The following SYNE1 variants were observed in gnomAD, a reference collection of about 807,000 sequenced individuals.
SYNE1 encodes the protein nesprin-1.
A neutral mutation model predicts 1,111.0 loss-of-function variants in SYNE1; 616 were observed. The observed-to-expected ratio is 0.55, with a 90% CI of 0.52 to 0.59. The LOEUF (loss-of-function observed/expected upper bound fraction) is 0.59. SYNE1 is among the 20% of genes least tolerant of loss of function. The pLI, the probability that SYNE1 is intolerant of heterozygous loss-of-function variation, is 0.00. For missense variants in SYNE1, 10,006 were observed against 10,417.0 expected (o/e 0.96, Z 1.72); for synonymous variants, 3,855 against 3,825.8 (o/e 1.01, Z -0.28).
intron 105 of SYNE1, among the ~76,000 whole-genome samples, chr6:152,247,148 G>A (rs775903528): frequency 2.6e-5 from 4 of 152,174 alleles, no homozygotes; most frequent in Non-Finnish European, 2.9e-5. Context: ...AGACAACTGT[G>A]CACCAGGTTT....
intron 130 of SYNE1, chr6:152,168,059 C>A (rs1389023840): frequency 2.6e-6 from 2 of 780,704 alleles, no homozygotes; most frequent in Non-Finnish European, 4.8e-6. Flanking sequence ...ATCCTACAAA[C>A]CCCACGTAAC....
At chr6:152,220,701 C>T in intron 119 of SYNE1, 141 bp downstream of exon 119, 3 of 770,418 alleles carry the variant, frequency 3.9e-6, no homozygotes, top group African/African-American at 1.7e-5. Flanking sequence ...GAAAATCAGG[C>T]AGGCTCTTTG....
intron 14 of SYNE1, among the ~76,000 whole-genome samples, chr6:152,474,387 A>C (rs2098823740): frequency 1.3e-5 from 2 of 152,194 alleles, no homozygotes; most frequent in Admixed American, 6.5e-5. Flanking sequence ...CTGTAGGCAA[A>C]AAACAAATAG....
chr6:152,450,565 C>G, intron 27 of SYNE1, 60 bp downstream of exon 27: 1 of 1,365,938 alleles, frequency 7.3e-7, no homozygotes. Context: ...TTGTCATGAT[C>G]TCCGAACTAA....
chr6:152,464,727 A>T (rs1171835850), intron 18 of SYNE1: 1 of 163,706 alleles, frequency 6.1e-6, no homozygotes, highest in Non-Finnish European at 1.3e-5. Context: ...TGACATTAAC[A>T]TAAAACAGTA....
intron 39 of SYNE1, among the ~76,000 whole-genome samples, chr6:152,420,805 C>CT (rs895746287): frequency 1.3e-5 from 2 of 151,916 alleles, no homozygotes; most frequent in Admixed American, 1.3e-4. Context: ...GTCAAGATAA[C>CT]TTTTTTTTCT....
chr6:152,298,505 G>T (rs1213479263), intron 93 of SYNE1, among the ~76,000 whole-genome samples: 2 of 152,218 alleles, frequency 1.3e-5, no homozygotes, highest in South Asian at 4.1e-4. Flanking sequence ...TACACTGTGA[G>T]TGGGACCAGG....
chr6:152,633,414 G>A lies in SYNE1; in HGVS notation c.-224+3224C>T, dbSNP rs73782988. 4.4e-3 allele frequency among the ~76,000 whole-genome samples: 669 copies of A among 152,320 alleles called. 3 individuals carry two copies. The highest frequency in any genetic ancestry group is 0.013 in the African/African-American group (538 of 41,574). On this transcript the variant is annotated intron_variant, in intron 2 of 145. Coordinates refer to ENST00000367255, the MANE Select transcript of SYNE1 (RefSeq NM_182961.4). ...GTACTGAGTAAACAGCAGTCAACAA[G>A]AGAGACAAGCCCCTCTTACAGCTTA...
At chr6:152,274,182 T>A (rs1424372094) in intron 98 of SYNE1, among the ~76,000 whole-genome samples, 1 of 152,212 alleles carries the variant, frequency 6.6e-6, no homozygotes, top group Non-Finnish European at 1.5e-5. Flanking sequence ...TCAGTTTTAG[T>A]ATGTGTAACC....
In SYNE1 at chr6:152,239,526, G is replaced by A. The variant is rs778134110; in HGVS notation, c.20067+7C>T. 4 of 1,614,054 alleles carry A rather than the reference G, an allele frequency of 2.5e-6. No homozygotes were observed. The highest frequency in any genetic ancestry group is 2.2e-5 in the East Asian group (1 of 44,862). On this transcript the variant is annotated splice_region_variant and intron_variant, in intron 108 of 145. Transcript: ENST00000367255. ...CAGCACAGAAGATATGACATCAATGGTCTCACCTCTAGAATGTACTCCAGC... is the reference window on the plus strand; with the variant it reads ...CAGCACAGAAGATATGACATCAATGATCTCACCTCTAGAATGTACTCCAGC...
chr6:152,224,598 C>T lies in SYNE1; in HGVS notation c.21418G>A (p.Asp7140Asn), dbSNP rs1588178021. The change falls in exon 117 of 146, where the codon GAC (aspartate) becomes AAC (asparagine). Residue 7140 changes from aspartate (D) to asparagine (N), a missense_variant. Coordinates refer to ENST00000367255, the MANE Select transcript of SYNE1 (RefSeq NM_182961.4). Reference sequence around the variant, plus strand: ...TCCATGAGGTAACTGTTTATCTTGTCAAAGGCCACTTTGTGACTACTCCAT... The same window carrying T: ...TCCATGAGGTAACTGTTTATCTTGTTAAAGGCCACTTTGTGACTACTCCAT... Reference protein sequence around the residue: ...DQWSSHKVAFDKINSYLMEAR... With the variant: ...DQWSSHKVAFNKINSYLMEAR... The T allele has an allele frequency of 3.1e-6, 5 of 1,613,950 alleles. No individual in the cohort carries two copies. In the East Asian group the frequency reaches 1.1e-4, roughly 36 times the overall value.
At chr6:152,558,985 T>G (rs967207610) in intron 3 of SYNE1, among the ~76,000 whole-genome samples, 1 of 78,936 alleles carries the variant, frequency 1.3e-5, no homozygotes, top group Non-Finnish European at 2.6e-5. Context: ...TTTTTATTTA[T>G]TTATTTATTT....
chr6:152,141,334 TTAGACA>T lies in SYNE1; in HGVS notation c.25120-11_25120-6del. ...GCATTCGCCCAGCAGTTTCATCTGT[TTAGACA>T]TAAACAACCGGCCCCTGTCACCCAA... is the stretch of plus-strand genomic sequence containing the variant. On this transcript the variant is annotated splice_polypyrimidine_tract_variant and splice_region_variant and intron_variant, in intron 138 of 145. Transcript: ENST00000367255. 1 of 1,613,924 alleles carries T rather than the reference TTAGACA, an allele frequency of 6.2e-7. No homozygotes were observed. Among genetic ancestry groups the T allele is most frequent in the Non-Finnish European group, 8.5e-7 (1 of 1,179,984 alleles).
intron 87 of SYNE1, among the ~76,000 whole-genome samples, chr6:152,314,267 G>T (rs2095641614): frequency 6.6e-6 from 1 of 152,120 alleles, no homozygotes. Flanking sequence ...CAGACTTTTA[G>T]GATCTTTTTC....
At chr6:152,243,234 A>C (rs755977435) in intron 106 of SYNE1, among the ~76,000 whole-genome samples, 1 of 152,208 alleles carries the variant, frequency 6.6e-6, no homozygotes, top group Non-Finnish European at 1.5e-5. Context: ...TTTCAGAGCA[A>C]TTGAATATAA....
At chr6:152,433,722 A>G in intron 34 of SYNE1, 73 bp downstream of exon 34, 3 of 1,565,192 alleles carry the variant, frequency 1.9e-6, no homozygotes, top group Non-Finnish European at 2.6e-6. Context: ...ACCGAACAGC[A>G]TTTGATGAAA....
At position 152,242,370 on chromosome 6, in the gene SYNE1, T is replaced by C. The variant is rs2085928818; in HGVS notation, c.19763A>G (p.Lys6588Arg). The C allele has an allele frequency of 4.3e-6, 7 of 1,614,118 alleles. No individual in the cohort carries two copies. The highest frequency in any genetic ancestry group is 1.3e-5 in the African/African-American group (1 of 75,034). Residue 6588 changes from lysine to arginine, a missense_variant, in exon 107 of 146, where the codon AAG becomes AGG. By Grantham distance (26) the Lys-to-Arg change is conservative. This residue lies in a region of SYNE1 where 2,182 missense variants were observed against 2,287.8 expected (regional missense o/e 0.95). Transcript: ENST00000367255. ...TTGTAGGGCCCTCTCATACTGACTCTTGAGTGTAAGGTTCTGATTCAGACC... is the reference window on the plus strand; with the variant it reads ...TTGTAGGGCCCTCTCATACTGACTCCTGAGTGTAAGGTTCTGATTCAGACC... ...RSGLNQNLTL[K>R]SQYERALQDL...
intron 142 of SYNE1, chr6:152,134,391 G>C (rs1251978964): frequency 6.6e-6 from 1 of 152,338 alleles, no homozygotes; most frequent in Non-Finnish European, 1.5e-5. Context: ...AGACTCGGCT[G>C]GGTGTGGTGG....
chr6:152,486,067 T>G (rs191223240), intron 12 of SYNE1, among the ~76,000 whole-genome samples: 2 of 152,130 alleles, frequency 1.3e-5, no homozygotes, highest in East Asian at 1.9e-4. Flanking sequence ...TAGTGGCGCA[T>G]GCCTGTAGTC....
Sources: allele counts gnomAD v4.1 joint callset (sites outside exome capture counted in the v4.1 genomes callset), GRCh38; gene constraint gnomAD v4.1.1; regional missense constraint gnomAD v4.1.1; transcripts MANE v1.5; gene names NCBI Gene and HGNC (gene_info 2026-07-23, HGNC 2026-07-21).